The following DLG2 variants were observed in gnomAD, a reference collection of about 807,000 sequenced individuals.
DLG2 encodes disks large homolog 2.
DLG2 carries 45 observed loss-of-function variants against 132.5 expected under a neutral mutation model. The ratio of observed to expected loss-of-function variants is 0.34; its 90% CI spans 0.27 to 0.44. DLG2 has a LOEUF of 0.44. DLG2 is among the 20% of genes least tolerant of loss of function. The pLI is 1.00. For synonymous variants in DLG2, 424 were observed against 419.6 expected (o/e 1.01, Z -0.13); for missense variants, 1,045 against 1,196.9 (o/e 0.87, Z 1.87).
Position 83,664,484 on chromosome 11 carries a change from G to T in DLG2, c.1826-31159C>A, listed in dbSNP as rs566325730. On this transcript the variant is annotated intron_variant, in intron 18 of 27. Coordinates refer to ENST00000376104, the MANE Select transcript of DLG2 (RefSeq NM_001142699.3). ...GACTTACTGAAAGAATCTGAGGGGT[G>T]GACAGGTAGAGTTGGGTGGCTTTTG... Among the ~76,000 whole-genome samples the T allele has an allele frequency of 3.9e-5, 6 of 151,938 alleles. No individual in the cohort carries two copies. The South Asian group carries it at 1.3e-3, about 32-fold the overall frequency.
intron 6 of DLG2, chr11:85,021,691 GTGGC>G: frequency 2.0e-6 from 2 of 980,986 alleles, no homozygotes; most frequent in Admixed American, 1.9e-5. Flanking sequence ...AGCTGAAAAT[GTGGC>G]TGAAGATCAA....
At chr11:84,471,698 A>T (rs1402784022) in intron 7 of DLG2, among the ~76,000 whole-genome samples, 2 of 151,630 alleles carry the variant, frequency 1.3e-5, no homozygotes, top group South Asian at 2.1e-4. Context: ...TCTGCTGATG[A>T]CTTTGTTTTG....
intron 3 of DLG2, among the ~76,000 whole-genome samples, chr11:85,306,413 A>G (rs193203094): frequency 1.4e-4 from 22 of 152,326 alleles, no homozygotes; most frequent in Middle Eastern, 3.4e-3. Context: ...TGGGTATTAA[A>G]AATACATAGC....
At chr11:83,885,273 C>T (rs1427589613) in intron 15 of DLG2, among the ~76,000 whole-genome samples, 1 of 152,110 alleles carries the variant, frequency 6.6e-6, no homozygotes, top group Non-Finnish European at 1.5e-5. Context: ...GAGCTGAAAG[C>T]CAAGGCTCGA....
In DLG2 at chr11:84,759,786, T is replaced by A. The variant is rs186874241; in HGVS notation, c.358-225055A>T. On this transcript the variant is annotated intron_variant, in intron 6 of 27. Transcript: ENST00000376104. ...TACTGGGTTCTCTGGAAAGAAGTGA[T>A]CTTTTTTTTTTCCTTATAAGTTCAG... is the stretch of plus-strand genomic sequence containing the variant. Among the ~76,000 whole-genome samples, 372 of 152,220 alleles carry A rather than the reference T, an allele frequency of 2.4e-3. 2 individuals are homozygous for A. The highest frequency in any genetic ancestry group is 8.6e-3 in the African/African-American group (358 of 41,536).
Position 85,048,239 on chromosome 11 carries a change from C to A in DLG2, c.357+63422G>T, listed in dbSNP as rs920355710. ...GAATGTTAACAAGAAAACTAACCAT[C>A]TTTCTCCTGTTAATTGTCCTTCTAT... On this transcript the variant is annotated intron_variant, in intron 6 of 27. Transcript: ENST00000376104. Among the ~76,000 whole-genome samples, 8 of 152,050 alleles carry A rather than the reference C, an allele frequency of 5.3e-5. No homozygotes were observed. The East Asian group carries it at 5.8e-4, about 11-fold the overall frequency.
At chr11:83,625,551 C>T (rs114882724) in intron 19 of DLG2, among the ~76,000 whole-genome samples, 2,378 of 152,262 alleles carry the variant, frequency 0.016, 68 homozygotes, top group African/African-American at 0.05. Context: ...AGCTCAAAGG[C>T]GAAGTGTCTA....
intron 18 of DLG2, among the ~76,000 whole-genome samples, chr11:83,686,913 G>A (rs1034381269): frequency 3.9e-5 from 6 of 152,148 alleles, no homozygotes; most frequent in African/African-American, 1.4e-4. Flanking sequence ...AAATAGAATT[G>A]TTGCAGATGT....
At chr11:83,884,530 A>G (rs944418769) in intron 15 of DLG2, among the ~76,000 whole-genome samples, 2 of 152,176 alleles carry the variant, frequency 1.3e-5, no homozygotes, top group African/African-American at 4.8e-5. Context: ...ACAGACAAAC[A>G]AAAAGACAGC....
At chr11:84,607,269 G>A (rs2099587509) in intron 6 of DLG2, among the ~76,000 whole-genome samples, 1 of 152,052 alleles carries the variant, frequency 6.6e-6, no homozygotes, top group Non-Finnish European at 1.5e-5. Context: ...CTTAAACAAG[G>A]TATTCTCTCC....
At chr11:84,652,197 A>G (rs1328959106) in intron 6 of DLG2, among the ~76,000 whole-genome samples, 5 of 152,178 alleles carry the variant, frequency 3.3e-5, no homozygotes, top group Admixed American at 1.3e-4. Context: ...AAAGTTTGTC[A>G]TAACTTTGAT....
At chr11:83,849,512 C>T (rs970920882) in intron 16 of DLG2, among the ~76,000 whole-genome samples, 12 of 151,240 alleles carry the variant, frequency 7.9e-5, no homozygotes, top group Admixed American at 2.0e-4. Flanking sequence ...ATATTTGAAA[C>T]GAAATGTAGA....
chr11:84,342,176 C>T (rs1157792869), intron 7 of DLG2, among the ~76,000 whole-genome samples: 1 of 152,074 alleles, frequency 6.6e-6, no homozygotes, highest in Non-Finnish European at 1.5e-5. Context: ...GGAGACTGCT[C>T]ACTCTGGAGG....
chr11:83,983,418 C>T (rs1290827605), intron 11 of DLG2, among the ~76,000 whole-genome samples: 1 of 151,872 alleles, frequency 6.6e-6, no homozygotes, highest in African/African-American at 2.4e-5. Context: ...GCATTTTATA[C>T]AACAATAATA....
intron 6 of DLG2, among the ~76,000 whole-genome samples, chr11:84,789,194 T>C (rs2073421100): frequency 6.6e-6 from 1 of 152,192 alleles, no homozygotes; most frequent in Admixed American, 6.5e-5. Context: ...TGCCACTCAC[T>C]GCCTTTCCTG....
intron 14 of DLG2, among the ~76,000 whole-genome samples, chr11:83,962,602 A>C (rs1307428226): frequency 4.6e-5 from 7 of 152,092 alleles, no homozygotes; most frequent in African/African-American, 1.7e-4. Context: ...CTTACCTTAC[A>C]CTATGGCTGT....
chr11:84,758,830 A>G (rs963416033), intron 6 of DLG2, among the ~76,000 whole-genome samples: 1 of 152,184 alleles, frequency 6.6e-6, no homozygotes, highest in African/African-American at 2.4e-5. Context: ...CGTAAAGATT[A>G]CTTTTCTACA....
At chr11:84,397,174 C>G (rs2154444616) in intron 7 of DLG2, among the ~76,000 whole-genome samples, 1 of 152,092 alleles carries the variant, frequency 6.6e-6, no homozygotes, top group South Asian at 2.1e-4. Context: ...AAATGGCTAG[C>G]AAGAGTAAAG....
chr11:84,927,135 TA>T (rs912931446), intron 6 of DLG2, among the ~76,000 whole-genome samples: 14 of 152,078 alleles, frequency 9.2e-5, no homozygotes, highest in African/African-American at 2.6e-4. Context: ...ACCTGGATTA[TA>T]AAAAAAGTTT....
Sources: allele counts gnomAD v4.1 joint callset (sites outside exome capture counted in the v4.1 genomes callset), GRCh38; gene constraint gnomAD v4.1.1; transcripts MANE v1.5; gene names NCBI Gene and HGNC (gene_info 2026-07-23, HGNC 2026-07-21).